Variants in AFDN observed in about 807,000 individuals in gnomAD.
AFDN encodes afadin, adherens junction formation factor, also known as afadin.
AFDN carries 68 observed loss-of-function variants against 216.6 expected under a neutral mutation model. That is an observed-to-expected ratio of 0.31 (90% confidence interval 0.26 to 0.38). AFDN has a LOEUF of 0.38. Ranked by LOEUF, AFDN falls within the 10% of genes least tolerant of loss-of-function variation. The pLI, the probability that AFDN is intolerant of heterozygous loss-of-function variation, is 1.00. For synonymous variants in AFDN, 868 were observed against 853.7 expected (o/e 1.02, Z -0.29); for missense variants, 2,136 against 2,342.0 (o/e 0.91, Z 1.82).
intron 1 of AFDN, among the ~76,000 whole-genome samples, chr6:167,861,700 T>C (rs1783592570): frequency 6.6e-6 from 1 of 152,222 alleles, no homozygotes; most frequent in Non-Finnish European, 1.5e-5. Flanking sequence ...CTGATGTTAA[T>C]GGGCATTCCC....
intron 30 of AFDN, among the ~76,000 whole-genome samples, chr6:167,961,178 C>T (rs1170294532): frequency 2.0e-5 from 3 of 152,040 alleles, no homozygotes; most frequent in Non-Finnish European, 2.9e-5. Context: ...AATTGAAGCA[C>T]GTAGGAATTT....
At chr6:167,900,813 T>C (rs1788850180) in intron 11 of AFDN, among the ~76,000 whole-genome samples, 1 of 152,212 alleles carries the variant, frequency 6.6e-6, no homozygotes, top group Non-Finnish European at 1.5e-5. Flanking sequence ...CTGGACTGAA[T>C]CTCCCACTCA....
chr6:167,836,074 G>A (rs1175641075), intron 1 of AFDN, among the ~76,000 whole-genome samples: 1 of 152,060 alleles, frequency 6.6e-6, no homozygotes, highest in Non-Finnish European at 1.5e-5. Flanking sequence ...TTAGTTATCA[G>A]TGCTAAGATG....
rs1329594830 is a variant in AFDN at position 167,965,930 on chromosome 6, G to A, written c.5142G>A (p.Pro1714=). 20 of 1,173,260 alleles carry A rather than the reference G, an allele frequency of 1.7e-5. No individual in the cohort carries two copies. The highest frequency in any genetic ancestry group is 2.2e-5 in the Non-Finnish European group (20 of 906,152). 72.7% of individuals were successfully genotyped at this position (1,173,260 alleles called of 1,614,324 possible). A position where few individuals can be genotyped will look rare whatever the true frequency, so the allele number is the denominator to read the frequency against. Residue 1714 remains proline (P), a synonymous_variant, in exon 32 of 34, where the codon CCG becomes CCA. Coordinates refer to ENST00000683244, the MANE Select transcript of AFDN (RefSeq NM_001386888.1). ...CCGCGCCCGGCGCCCCTCCTCCCCCGCCTCAGCGAAACGCCTCCTACCTCA... is the reference window on the plus strand; with the variant it reads ...CCGCGCCCGGCGCCCCTCCTCCCCCACCTCAGCGAAACGCCTCCTACCTCA... ...PSPAPGAPPP[P]PQRNASYLKT... is the part of the protein sequence containing the mutation.
In AFDN at chr6:167,896,225, C is replaced by CAA. The variant is rs35338275; in HGVS notation, c.1223-642_1223-641dup. Among the ~76,000 whole-genome samples the CAA allele has an allele frequency of 5.4e-4, 74 of 136,564 alleles. No individual in the cohort carries two copies. The South Asian group carries it at 5.6e-3, about 10-fold the overall frequency. 89.6% of individuals were successfully genotyped at this position (136,564 alleles called of 152,430 possible). A position where few individuals can be genotyped will look rare whatever the true frequency, so the allele number is the denominator to read the frequency against. ...AACAGTTCATAAAGGTATAAAATGA[C>CAA]AAAAAAAAAAAAGCCAAAAAACCCA... On this transcript the variant is annotated intron_variant, in intron 9 of 33. Transcript: ENST00000683244.
chr6:167,935,541 G>GTAACTGCTT (rs1243195744), intron 23 of AFDN, among the ~76,000 whole-genome samples: 2 of 152,316 alleles, frequency 1.3e-5, no homozygotes, highest in African/African-American at 4.8e-5. Flanking sequence ...TTTGGAATCT[G>GTAACTGCTT]TAACTGCTTT....
At chr6:167,926,749 A>T (rs1332913872) in intron 23 of AFDN, among the ~76,000 whole-genome samples, 1 of 152,100 alleles carries the variant, frequency 6.6e-6, no homozygotes, top group Non-Finnish European at 1.5e-5. Flanking sequence ...CTGGCAGCTC[A>T]CTCTGCTCAT....
chr6:167,897,642 CT>C (rs57383020), intron 10 of AFDN, among the ~76,000 whole-genome samples: 53 of 89,746 alleles, frequency 5.9e-4, no homozygotes, highest in South Asian at 2.5e-3. Context: ...GACTGTATGC[CT>C]TTTTTTTTTT....
intron 1 of AFDN, among the ~76,000 whole-genome samples, chr6:167,845,906 C>T (rs748032302): frequency 2.6e-5 from 4 of 152,032 alleles, no homozygotes; most frequent in Non-Finnish European, 4.4e-5. Flanking sequence ...ACAATCATGA[C>T]GGAAGACAAA....
Position 167,907,152 on chromosome 6 carries a change from G to T in AFDN, c.1651-19G>T. The stretch of plus-strand genomic sequence containing the variant: ...GTCTGTGTGAGGTTCTAAACCCGTT[G>T]TGCTTTCTCTCCATGTAGAGCACCA... On this transcript the variant is annotated intron_variant, in intron 12 of 33. Coordinates refer to ENST00000683244, the MANE Select transcript of AFDN (RefSeq NM_001386888.1). 6.2e-7 allele frequency: 1 copy of T among 1,601,422 alleles called. No individual in the cohort carries two copies. The highest frequency in any genetic ancestry group is 1.7e-4 in the Middle Eastern group (1 of 6,014).
intron 23 of AFDN, among the ~76,000 whole-genome samples, chr6:167,931,600 A>AT (rs929800271): frequency 2.0e-5 from 3 of 151,948 alleles, no homozygotes; most frequent in African/African-American, 2.4e-5. Context: ...AATACAGTCC[A>AT]TTTTTTTTCC....
chr6:167,886,095 GT>G (rs535098994), intron 6 of AFDN, among the ~76,000 whole-genome samples: 9 of 149,564 alleles, frequency 6.0e-5, no homozygotes, highest in African/African-American at 1.2e-4. Context: ...TCTCACAGTA[GT>G]TTTTTTTTTC....
At chr6:167,851,555 CCT>C (rs1191521465) in intron 1 of AFDN, among the ~76,000 whole-genome samples, 2 of 152,144 alleles carry the variant, frequency 1.3e-5, no homozygotes, top group Non-Finnish European at 2.9e-5. Context: ...TTATCAAGTG[CCT>C]CATATGTGGC....
intron 6 of AFDN, among the ~76,000 whole-genome samples, chr6:167,884,409 G>A (rs1452922351): frequency 6.6e-6 from 1 of 152,100 alleles, no homozygotes; most frequent in Non-Finnish European, 1.5e-5. Flanking sequence ...GGCAGCTATA[G>A]CCTCATTAAA....
intron 30 of AFDN, among the ~76,000 whole-genome samples, chr6:167,954,060 A>G (rs73036604): frequency 0.02 from 2,995 of 152,262 alleles, 53 homozygotes; most frequent in Non-Finnish European, 0.033. Flanking sequence ...AGTTTTTCCA[A>G]ATGGGTTAAA....
At chr6:167,862,479 A>T (rs953962500) in intron 1 of AFDN, among the ~76,000 whole-genome samples, 3 of 151,924 alleles carry the variant, frequency 2.0e-5, no homozygotes, top group Non-Finnish European at 4.4e-5. Flanking sequence ...GGGTTCAAGC[A>T]GTTCTCCTGC....
chr6:167,915,959 A>G (rs1203734714), intron 19 of AFDN, among the ~76,000 whole-genome samples: 1 of 152,198 alleles, frequency 6.6e-6, no homozygotes, highest in Non-Finnish European at 1.5e-5. Context: ...AATCTGAAAC[A>G]CTTCTGGTCC....
At chr6:167,875,188 C>T (rs575998194) in intron 4 of AFDN, 147 bp from the exon 5 acceptor site, 1 of 626,706 alleles carries the variant, frequency 1.6e-6, no homozygotes, top group Non-Finnish European at 2.8e-6. Flanking sequence ...TAGTAATTAG[C>T]ATGTGGTAAA....
chr6:167,930,055 G>A (rs1464920633), intron 23 of AFDN, among the ~76,000 whole-genome samples: 1 of 152,020 alleles, frequency 6.6e-6, no homozygotes, highest in Non-Finnish European at 1.5e-5. Context: ...AAATCAAAAA[G>A]TATACTGAGT....
Sources: allele counts gnomAD v4.1 joint callset (sites outside exome capture counted in the v4.1 genomes callset), GRCh38; gene constraint gnomAD v4.1.1; transcripts MANE v1.5; gene names NCBI Gene and HGNC (gene_info 2026-07-23, HGNC 2026-07-21).